TSPEAR: variants seen among roughly 807,000 people sequenced by gnomAD.
TSPEAR encodes the protein thrombospondin-type laminin G domain and EAR repeat-containing protein.
A neutral mutation model predicts 71.6 loss-of-function variants in TSPEAR; 69 were observed. The ratio of observed to expected loss-of-function variants is 0.96; its 90% CI spans 0.79 to 1.18. The LOEUF (loss-of-function observed/expected upper bound fraction) is 1.18. TSPEAR is among the 50% of genes most tolerant of loss of function. TSPEAR has a pLI of 0.00. For synonymous variants in TSPEAR, 402 were observed against 387.2 expected (o/e 1.04, Z -0.45); for missense variants, 971 against 894.9 (o/e 1.09, Z -1.09).
intron 2 of TSPEAR, among the ~76,000 whole-genome samples, chr21:44,560,948 C>T (rs376926267): frequency 1.3e-5 from 2 of 152,190 alleles, no homozygotes; most frequent in African/African-American, 4.8e-5. Context: ...CAAACAAATC[C>T]AAAGGCTAGC....
chr21:44,528,422 G>A, intron 6 of TSPEAR, 30 bp downstream of exon 6: 1 of 1,612,786 alleles, frequency 6.2e-7, no homozygotes. Context: ...GGCCCTGCAT[G>A]CCAACGCCCC....
At chr21:44,565,234 G>C (rs1555921600) in intron 2 of TSPEAR, among the ~76,000 whole-genome samples, 1 of 152,030 alleles carries the variant, frequency 6.6e-6, no homozygotes, top group East Asian at 1.9e-4. Flanking sequence ...AGAAAGAAGA[G>C]CCAACTCAAA....
Position 44,711,521 on chromosome 21 carries a change from C to T in TSPEAR, c.-7G>A. 1 of 1,609,768 alleles carries T rather than the reference C, an allele frequency of 6.2e-7. No individual in the cohort carries two copies. The highest frequency in any genetic ancestry group is 8.5e-7 in the Non-Finnish European group (1 of 1,178,452). ...GACTCAGCAGGGCAGACATGAGGGG[C>T]TTGGGTGCCAAGCTCCATCCAGGGC... On this transcript the variant is annotated 5_prime_UTR_variant, in exon 1 of 12. Coordinates refer to ENST00000323084, the MANE Select transcript of TSPEAR (RefSeq NM_144991.3). The surrounding 1 kb of genome is among the most constrained non-coding windows in gnomAD (Gnocchi z 4.5).
intron 1 of TSPEAR, among the ~76,000 whole-genome samples, chr21:44,581,674 G>A (rs1005060412): frequency 2.0e-4 from 10 of 49,602 alleles, no homozygotes; most frequent in African/African-American, 7.9e-4. Flanking sequence ...AGTGTTTTGC[G>A]CTCTTAAAAA....
intron 1 of TSPEAR, among the ~76,000 whole-genome samples, chr21:44,602,832 G>A (rs1981056063): frequency 6.6e-6 from 1 of 152,128 alleles, no homozygotes; most frequent in Non-Finnish European, 1.5e-5. Flanking sequence ...CCTGGACTCG[G>A]CCCCAGGAAC....
At chr21:44,531,012 G>T in intron 4 of TSPEAR, 31 bp downstream of exon 4, 1 of 1,568,238 alleles carries the variant, frequency 6.4e-7, no homozygotes, top group Non-Finnish European at 8.8e-7. Flanking sequence ...CCGCAGCACG[G>T]GTGTTGGGAA....
At chr21:44,505,154 C>T (rs1191113454) in intron 10 of TSPEAR, among the ~76,000 whole-genome samples, 2 of 152,172 alleles carry the variant, frequency 1.3e-5, no homozygotes, top group Non-Finnish European at 2.9e-5. Context: ...TCTCGGCTCA[C>T]GGCAACCTCT....
intron 1 of TSPEAR, among the ~76,000 whole-genome samples, chr21:44,596,651 C>T (rs1210977233): frequency 1.3e-5 from 2 of 152,208 alleles, no homozygotes; most frequent in African/African-American, 2.4e-5. Context: ...CTGCCCACAC[C>T]CTCGCCAACC....
rs1444514809 is a variant in TSPEAR at position 44,520,520 on chromosome 21, G to A, written c.1566+1363C>T. On this transcript the variant is annotated intron_variant, in intron 9 of 11. Coordinates refer to ENST00000323084, the MANE Select transcript of TSPEAR (RefSeq NM_144991.3). The surrounding 1 kb of genome is among the most constrained non-coding windows in gnomAD (Gnocchi z 4.2). The stretch of plus-strand genomic sequence containing the variant: ...CTGCCAGAGGGCTGAGCACGTGGGA[G>A]TCCCGGAGCAATTCTCTGCACGCAT... 1 of 152,244 alleles carries A rather than the reference G, an allele frequency of 6.6e-6. No homozygotes were observed. Among genetic ancestry groups the A allele is most frequent in the Non-Finnish European group, 1.5e-5 (1 of 68,056 alleles). 9.4% of individuals were successfully genotyped at this position (152,244 alleles called of 1,614,324 possible).
intron 3 of TSPEAR, among the ~76,000 whole-genome samples, chr21:44,531,881 G>A (rs907062131): frequency 5.9e-5 from 9 of 152,260 alleles, no homozygotes; most frequent in Non-Finnish European, 7.3e-5. Flanking sequence ...GAGGGACAGC[G>A]TGGCTAGAGC....
intron 1 of TSPEAR, among the ~76,000 whole-genome samples, chr21:44,669,075 A>T (rs1320884690): frequency 2.0e-5 from 3 of 152,222 alleles, no homozygotes; most frequent in Non-Finnish European, 4.4e-5. Flanking sequence ...AAGGAGAGGA[A>T]GAAAAAGAAT....
chr21:44,572,420 C>T (rs233283), intron 1 of TSPEAR, among the ~76,000 whole-genome samples: 63,471 of 151,828 alleles, frequency 0.42, 14,714 homozygotes, highest in Non-Finnish European at 0.53. Context: ...CGATGTGAAC[C>T]CCGCTTTTCA....
intron 1 of TSPEAR, among the ~76,000 whole-genome samples, chr21:44,624,576 T>C (rs1353237554): frequency 1.3e-5 from 2 of 152,250 alleles, no homozygotes; most frequent in African/African-American, 2.4e-5. Flanking sequence ...ATGAGTTCAA[T>C]ACGAGCTGAT....
At chr21:44,587,164 T>C (rs1555925799) in intron 1 of TSPEAR, among the ~76,000 whole-genome samples, 2 of 152,186 alleles carry the variant, frequency 1.3e-5, no homozygotes, top group Non-Finnish European at 1.5e-5. Flanking sequence ...AAAAAGCTCC[T>C]AGAACTGATA....
chr21:44,581,420 A>G (rs1259743140), intron 1 of TSPEAR, among the ~76,000 whole-genome samples: 1 of 152,220 alleles, frequency 6.6e-6, no homozygotes, highest in Non-Finnish European at 1.5e-5. Context: ...ATTATAAATA[A>G]TAACAAAAAA....
chr21:44,612,805 C>T lies in TSPEAR; in HGVS notation c.83-44800G>A. 1 of 1,613,488 alleles carries T rather than the reference C, an allele frequency of 6.2e-7. No individual in the cohort carries two copies. The highest frequency in any genetic ancestry group is 8.5e-7 in the Non-Finnish European group (1 of 1,179,958). ...CCTGTTGTGTCCCTGCCTCCTCCTG[C>T]CAGCCCAGCTGCTGCCACCCGGCCT... On this transcript the variant is annotated intron_variant, in intron 1 of 11. Transcript: ENST00000323084. This position sits in a 1 kb window ranked among gnomAD's most constrained non-coding sequence, Gnocchi z 4.1.
At chr21:44,653,145 A>G (rs371557396) in intron 1 of TSPEAR, among the ~76,000 whole-genome samples, 89 of 152,272 alleles carry the variant, frequency 5.8e-4, no homozygotes, top group African/African-American at 2.1e-3. Context: ...TGACAGAGCG[A>G]GACTCCATCT....
Position 44,695,290 on chromosome 21 carries a change from G to A in TSPEAR, c.82+16143C>T, listed in dbSNP as rs148647481. Among the ~76,000 whole-genome samples, 10 of 152,182 alleles carry A rather than the reference G, an allele frequency of 6.6e-5. No homozygotes were observed. The highest frequency in any genetic ancestry group is 2.2e-4 in the African/African-American group (9 of 41,500). On this transcript the variant is annotated intron_variant, in intron 1 of 11. Transcript: ENST00000323084. The surrounding 1 kb of genome is among the most constrained non-coding windows in gnomAD (Gnocchi z 4.5). ...GGACGCTGTGCTGTCTCTCAGGTACGCAAGTGCACCACAGACTCTGATATG... is the reference window on the plus strand; with the variant it reads ...GGACGCTGTGCTGTCTCTCAGGTACACAAGTGCACCACAGACTCTGATATG...
At chr21:44,541,025 C>T (rs1441449309) in intron 2 of TSPEAR, among the ~76,000 whole-genome samples, 1 of 150,850 alleles carries the variant, frequency 6.6e-6, no homozygotes, top group Admixed American at 6.6e-5. Flanking sequence ...ATCCCTCCTG[C>T]CTTGGCCAAA....
Sources: allele counts gnomAD v4.1 joint callset (sites outside exome capture counted in the v4.1 genomes callset), GRCh38; gene constraint gnomAD v4.1.1; non-coding constraint Gnocchi (gnomAD v3.1); transcripts MANE v1.5; gene names NCBI Gene and HGNC (gene_info 2026-07-23, HGNC 2026-07-21).